CTNNA3: variants seen among roughly 807,000 people sequenced by gnomAD.
The protein encoded by CTNNA3 is catenin alpha-3.
Under a neutral mutation model 95.7 loss-of-function variants are expected in CTNNA3, and 76 were observed. The ratio of observed to expected loss-of-function variants is 0.79; its 90% CI spans 0.66 to 0.96. The LOEUF (loss-of-function observed/expected upper bound fraction) is 0.96, where lower values mean the gene tolerates loss of function less well. CTNNA3 is among the 40% of genes least tolerant of loss of function. The pLI is 0.00. For missense variants in CTNNA3, 1,191 were observed against 1,089.8 expected, an observed-to-expected ratio of 1.09 and a Z score of -1.31; for synonymous variants, 431 against 374.4, an observed-to-expected ratio of 1.15 and a Z score of -1.74.
chr10:67,748,019 T>C (rs1841382793), intron 1 of CTNNA3, among the ~76,000 whole-genome samples: 2 of 152,144 alleles, frequency 1.3e-5, no homozygotes, highest in African/African-American at 2.4e-5. Context: ...TTGAAGACTT[T>C]CTTGCTGAAA....
At chr10:67,442,199 C>A (rs1170473576) in intron 5 of CTNNA3, among the ~76,000 whole-genome samples, 1 of 151,240 alleles carries the variant, frequency 6.6e-6, no homozygotes, top group African/African-American at 2.4e-5. Context: ...TTCATGGTAA[C>A]CTCAAATTGA....
intron 5 of CTNNA3, among the ~76,000 whole-genome samples, chr10:67,485,446 G>A (rs1848407790): frequency 6.6e-6 from 1 of 152,096 alleles, no homozygotes; most frequent in African/African-American, 2.4e-5. Flanking sequence ...TTAGCAGCTT[G>A]CAATATAACC....
intron 7 of CTNNA3, among the ~76,000 whole-genome samples, chr10:67,122,292 A>G (rs1859509248): frequency 6.6e-6 from 1 of 152,060 alleles, no homozygotes; most frequent in Admixed American, 6.6e-5. Flanking sequence ...TTATTTTCTA[A>G]CTTTGTCTTT....
At chr10:66,056,147 C>T (rs1195928731) in intron 15 of CTNNA3, among the ~76,000 whole-genome samples, 1 of 151,948 alleles carries the variant, frequency 6.6e-6, no homozygotes, top group Non-Finnish European at 1.5e-5. Context: ...CAGTGTGATG[C>T]TAGCTGTGGG....
chr10:66,141,427 G>C (rs1191524765), intron 13 of CTNNA3, among the ~76,000 whole-genome samples: 2 of 151,982 alleles, frequency 1.3e-5, no homozygotes, highest in African/African-American at 4.8e-5. Flanking sequence ...AAAAAGCAAA[G>C]AGATGACTCC....
chr10:66,115,610 G>C (rs1311997594), intron 13 of CTNNA3, among the ~76,000 whole-genome samples: 2 of 151,702 alleles, frequency 1.3e-5, no homozygotes, highest in Non-Finnish European at 2.9e-5. Context: ...GATAGAGATA[G>C]AGATAGAGAT....
intron 7 of CTNNA3, among the ~76,000 whole-genome samples, chr10:67,114,636 A>G (rs1859075907): frequency 6.6e-6 from 1 of 151,780 alleles, no homozygotes; most frequent in Admixed American, 6.6e-5. Flanking sequence ...GTAGTTCTTA[A>G]TTTCTTTTCT....
rs1203098593 is a variant in CTNNA3, at chr10:67,750,736, G to A, written c.-2+12698C>T. 2.5e-6 allele frequency: 4 copies of A among 1,585,282 alleles called. No individual in the cohort carries two copies. The Admixed American group carries it at 5.0e-5, about 20-fold the overall frequency. Reference sequence around the variant, plus strand: ...GGCCATGGAGGAGCTGGTGGATGAGGGGCTGGTGAAAGCCCTTGGGGTCTC... The same window carrying A: ...GGCCATGGAGGAGCTGGTGGATGAGAGGCTGGTGAAAGCCCTTGGGGTCTC... On this transcript the variant is annotated intron_variant, in intron 1 of 17. Transcript: ENST00000684154.
chr10:66,291,030 T>C (rs116091845), intron 12 of CTNNA3, among the ~76,000 whole-genome samples: 131 of 152,258 alleles, frequency 8.6e-4, no homozygotes, highest in African/African-American at 3.0e-3. Context: ...GTGTCCATCA[T>C]AATATCTGAT....
chr10:66,211,828 C>T (rs2088177352), intron 13 of CTNNA3, among the ~76,000 whole-genome samples: 1 of 152,154 alleles, frequency 6.6e-6, no homozygotes, highest in Admixed American at 6.5e-5. Context: ...AGGGACCCAA[C>T]AGGCAAGTTT....
At chr10:66,342,402 T>C (rs2092463330) in intron 12 of CTNNA3, among the ~76,000 whole-genome samples, 1 of 152,096 alleles carries the variant, frequency 6.6e-6, no homozygotes, top group Admixed American at 6.6e-5. Flanking sequence ...TATTTATAAA[T>C]GACAGCATTC....
chr10:65,920,214 TA>T lies in CTNNA3; in HGVS notation c.*115del. The T allele has an allele frequency of 1.2e-6, 1 of 869,498 alleles. No homozygotes were observed. Among genetic ancestry groups the T allele is most frequent in the South Asian group, 1.7e-5 (1 of 59,386 alleles). 53.9% of individuals were successfully genotyped at this position (869,498 alleles called of 1,614,324 possible). A position where few individuals can be genotyped will look rare whatever the true frequency, so the allele number is the denominator to read the frequency against. ...TGATTTAGCGCCCAATATTTTATGT[TA>T]TTTGTGAGTTAAACACCAAAACTTA... On this transcript the variant is annotated 3_prime_UTR_variant, in exon 18 of 18. Coordinates refer to ENST00000433211, the MANE Select transcript of CTNNA3 (RefSeq NM_013266.4).
At position 66,360,800 on chromosome 10, in the gene CTNNA3, C is replaced by T. The variant is rs868148440; in HGVS notation, c.1732+18352G>A. Among the ~76,000 whole-genome samples the T allele has an allele frequency of 2.5e-3, 168 of 68,252 alleles. 4 individuals carry two copies. Among genetic ancestry groups the T allele is most frequent in the Non-Finnish European group, 3.4e-3 (126 of 36,944 alleles). 44.8% of individuals were successfully genotyped at this position (68,252 alleles called of 152,430 possible). Reference sequence around the variant, plus strand: ...TTCTTTCTTTCTTCCTTCCTTCCTTCCTTCCTTCCTTCCTTCCTTTCTTTC... The same window carrying T: ...TTCTTTCTTTCTTCCTTCCTTCCTTTCTTCCTTCCTTCCTTCCTTTCTTTC... On this transcript the variant is annotated intron_variant, in intron 12 of 17. Coordinates refer to ENST00000433211, the MANE Select transcript of CTNNA3 (RefSeq NM_013266.4).
chr10:66,475,016 T>C (rs1488233283), intron 11 of CTNNA3, among the ~76,000 whole-genome samples: 1 of 152,060 alleles, frequency 6.6e-6, no homozygotes, highest in Non-Finnish European at 1.5e-5. Context: ...ATTCTGTAGG[T>C]TGTCTCCTTA....
At chr10:67,091,112 C>A (rs1857604193) in intron 7 of CTNNA3, among the ~76,000 whole-genome samples, 2 of 151,924 alleles carry the variant, frequency 1.3e-5, no homozygotes, top group Admixed American at 1.3e-4. Flanking sequence ...ATATAAAGGT[C>A]AAGCTTCATA....
At chr10:66,209,862 T>C (rs2088019219) in intron 13 of CTNNA3, among the ~76,000 whole-genome samples, 1 of 152,118 alleles carries the variant, frequency 6.6e-6, no homozygotes, top group Non-Finnish European at 1.5e-5. Flanking sequence ...GCCTTTCCTA[T>C]AGTGTTTAAC....
chr10:66,281,303 A>C (rs2091487591), intron 12 of CTNNA3, among the ~76,000 whole-genome samples: 1 of 151,948 alleles, frequency 6.6e-6, no homozygotes, highest in Non-Finnish European at 1.5e-5. Flanking sequence ...AATAGTTTCA[A>C]ATAAAAACGC....
intron 13 of CTNNA3, among the ~76,000 whole-genome samples, chr10:66,146,202 T>C (rs1489887412): frequency 6.6e-6 from 1 of 152,038 alleles, no homozygotes; most frequent in Non-Finnish European, 1.5e-5. Flanking sequence ...AAAATTTGAG[T>C]CTTAGTAAAA....
At chr10:66,749,281 G>A (rs892703677) in intron 9 of CTNNA3, among the ~76,000 whole-genome samples, 12 of 150,952 alleles carry the variant, frequency 7.9e-5, no homozygotes, top group African/African-American at 2.2e-4. Context: ...CATTGCATGC[G>A]GATTGACAAT....
Sources: gnomAD v4.1 joint callset for allele counts (sites outside exome capture counted in the v4.1 genomes callset) on GRCh38, gnomAD v4.1.1 for gene constraint, MANE v1.5 for transcripts, NCBI Gene and HGNC (gene_info 2026-07-23, HGNC 2026-07-21) for gene names.